Variants in KCNN2 observed in about 807,000 individuals in gnomAD.
KCNN2 encodes the protein small conductance calcium-activated potassium channel protein 2.
KCNN2 carries 24 observed loss-of-function variants against 55.5 expected under a neutral mutation model. The ratio of observed to expected loss-of-function variants is 0.43; its 90% confidence interval spans 0.31 to 0.61. The LOEUF (loss-of-function observed/expected upper bound fraction) is 0.61. Ranked by LOEUF, KCNN2 falls within the 20% of genes least tolerant of loss-of-function variation. KCNN2 has a pLI of 0.08. For missense variants in KCNN2, 754 were observed against 853.6 expected (o/e 0.88, Z 1.45); for synonymous variants, 431 against 336.1 (o/e 1.28, Z -3.09).
At chr5:114,492,348 C>G (rs564859019) in intron 6 of KCNN2, among the ~76,000 whole-genome samples, 128 of 152,252 alleles carry the variant, frequency 8.4e-4, no homozygotes, top group African/African-American at 2.9e-3. Context: ...AGCATTAAAA[C>G]TATACTTTGT....
intron 1 of KCNN2, among the ~76,000 whole-genome samples, chr5:114,201,257 T>C (rs1753668087): frequency 6.6e-6 from 1 of 152,008 alleles, no homozygotes; most frequent in Non-Finnish European, 1.5e-5. Context: ...GTCTCCTTTA[T>C]CCCTCCACTA....
At chr5:114,240,965 T>C (rs766274298) in intron 2 of KCNN2, among the ~76,000 whole-genome samples, 1 of 152,136 alleles carries the variant, frequency 6.6e-6, no homozygotes, top group African/African-American at 2.4e-5. Flanking sequence ...GTAAGATTGC[T>C]GAATTAAAAA....
At chr5:114,386,121 G>T (rs1217415497) in intron 2 of KCNN2, among the ~76,000 whole-genome samples, 1 of 150,848 alleles carries the variant, frequency 6.6e-6, no homozygotes, top group Non-Finnish European at 1.5e-5. Context: ...GACAGAGCTT[G>T]CGGTGAGCCG....
At chr5:114,198,098 T>C (rs541147248) in intron 1 of KCNN2, among the ~76,000 whole-genome samples, 2 of 152,112 alleles carry the variant, frequency 1.3e-5, no homozygotes, top group African/African-American at 4.8e-5. Context: ...ATACTATGAA[T>C]TTTTTTAAAT....
At chr5:114,394,674 T>C (rs989156966) in intron 2 of KCNN2, among the ~76,000 whole-genome samples, 2 of 152,208 alleles carry the variant, frequency 1.3e-5, no homozygotes, top group African/African-American at 4.8e-5. Context: ...GTATGAGGCA[T>C]GGGTTTAACT....
At chr5:114,386,099 G>A (rs952143392) in intron 2 of KCNN2, among the ~76,000 whole-genome samples, 19 of 151,206 alleles carry the variant, frequency 1.3e-4, no homozygotes, top group Non-Finnish European at 2.2e-4. Flanking sequence ...GAAGAATGGC[G>A]TGAACCGAGG....
At chr5:114,149,600 C>T (rs904442397) in intron 1 of KCNN2, among the ~76,000 whole-genome samples, 10 of 152,066 alleles carry the variant, frequency 6.6e-5, no homozygotes, top group Non-Finnish European at 1.3e-4. Flanking sequence ...GTGAGATGGT[C>T]ACATGGGAAT....
Position 114,463,202 on chromosome 5 carries a change from T to G in KCNN2, c.1779+12T>G. 1 of 1,604,938 alleles carries G rather than the reference T, an allele frequency of 6.2e-7. No individual in the cohort carries two copies. The highest frequency in any genetic ancestry group is 8.5e-7 in the Non-Finnish European group (1 of 1,174,944). On this transcript the variant is annotated intron_variant, in intron 4 of 7. Transcript: ENST00000673685. ...TTACTGGAATTATGGTAAGTGTCTTTATACTTCACATCTCTTTTATTTACG... is the reference window on the plus strand; with the variant it reads ...TTACTGGAATTATGGTAAGTGTCTTGATACTTCACATCTCTTTTATTTACG...
At chr5:114,345,481 A>G (rs894731645) in intron 2 of KCNN2, among the ~76,000 whole-genome samples, 1 of 152,234 alleles carries the variant, frequency 6.6e-6, no homozygotes, top group Admixed American at 6.5e-5. Context: ...AATGAATGCT[A>G]ATTAAAATCA....
intron 6 of KCNN2, 143 bp from the exon 7 acceptor site, chr5:114,493,258 CAT>C (rs1212645343): frequency 4.0e-5 from 29 of 719,758 alleles, no homozygotes; most frequent in Non-Finnish European, 6.2e-5. Flanking sequence ...GTACCAGACA[CAT>C]AACCAGTTTG....
intron 6 of KCNN2, among the ~76,000 whole-genome samples, chr5:114,487,794 C>T (rs576976434): frequency 3.9e-5 from 6 of 152,232 alleles, no homozygotes; most frequent in South Asian, 2.1e-4. Context: ...CTTTCTCCTC[C>T]GGGCTGGCAT....
At chr5:114,364,086 G>A in intron 2 of KCNN2, 85 bp downstream of exon 2, 1 of 956,016 alleles carries the variant, frequency 1.0e-6, no homozygotes, top group South Asian at 1.4e-5. Context: ...CTTTTTTCAA[G>A]CCATCATGTC....
chr5:114,198,683 T>G (rs935973351), intron 1 of KCNN2, among the ~76,000 whole-genome samples: 1 of 152,080 alleles, frequency 6.6e-6, no homozygotes, highest in Non-Finnish European at 1.5e-5. Flanking sequence ...ATTTTAATTT[T>G]TGTTTTTAGT....
At chr5:114,247,587 A>G (rs1363208572) in intron 2 of KCNN2, among the ~76,000 whole-genome samples, 1 of 152,220 alleles carries the variant, frequency 6.6e-6, no homozygotes, top group African/African-American at 2.4e-5. Flanking sequence ...CTTATCAAAT[A>G]TTAGATCAAC....
chr5:114,105,093 A>C (rs1423128841), intron 1 of KCNN2, among the ~76,000 whole-genome samples: 1 of 152,034 alleles, frequency 6.6e-6, no homozygotes, highest in Non-Finnish European at 1.5e-5. Flanking sequence ...TGTTCTGTCA[A>C]AAACTCTATT....
intron 2 of KCNN2, among the ~76,000 whole-genome samples, chr5:114,226,511 G>A (rs1754239626): frequency 6.6e-6 from 1 of 152,040 alleles, no homozygotes; most frequent in African/African-American, 2.4e-5. Context: ...TTTTAAAATA[G>A]GTGCATAATG....
At chr5:114,299,229 C>CTACA (rs1756100591) in intron 2 of KCNN2, among the ~76,000 whole-genome samples, 1 of 152,078 alleles carries the variant, frequency 6.6e-6, no homozygotes, top group African/African-American at 2.4e-5. Flanking sequence ...AGCACCAAGG[C>CTACA]TACAGGTCTT....
chr5:114,127,636 G>A (rs2112606716), intron 1 of KCNN2, among the ~76,000 whole-genome samples: 1 of 152,286 alleles, frequency 6.6e-6, no homozygotes, highest in South Asian at 2.1e-4. Context: ...TCCTCCATTG[G>A]CTTGGTGATT....
chr5:114,195,964 T>A (rs1753548092), intron 1 of KCNN2, among the ~76,000 whole-genome samples: 1 of 152,050 alleles, frequency 6.6e-6, no homozygotes, highest in South Asian at 2.1e-4. Context: ...GAATTAGTTT[T>A]TTGATATGGT....
Sources: allele counts gnomAD v4.1 joint callset (sites outside exome capture counted in the v4.1 genomes callset), GRCh38; gene constraint gnomAD v4.1.1; transcripts MANE v1.5; gene names NCBI Gene and HGNC (gene_info 2026-07-23, HGNC 2026-07-21).